Variants in DCD observed in about 807,000 individuals in gnomAD.
DCD encodes the protein diffusible survival/evasion peptide.
In DCD, 17 loss-of-function variants were observed where a neutral mutation model predicts 14.5. The observed-to-expected ratio is 1.18, with a 90% CI of 0.81 to 1.76. The LOEUF (loss-of-function observed/expected upper bound fraction) is 1.76, where lower values mean the gene tolerates loss of function less well. Ranked by LOEUF, DCD falls within the 40% of genes most tolerant of loss-of-function variation. The probability of loss-of-function intolerance (pLI) is 0.00; values close to 1 mark genes in which losing one functional copy is unlikely to be tolerated. For synonymous variants in DCD, 64 were observed against 54.0 expected (o/e 1.19, Z -0.82); for missense variants, 139 against 133.4 (o/e 1.04, Z -0.21).
In DCD at chr12:54,648,304, G is replaced by C; in HGVS notation, c.-1C>G. 6.2e-7 allele frequency: 1 copy of C among 1,613,978 alleles called. No homozygotes were observed. The highest frequency in any genetic ancestry group is 1.1e-5 in the South Asian group (1 of 91,066). On this transcript the variant is annotated 5_prime_UTR_variant, in exon 1 of 5. Transcript: ENST00000293371. ...GGAAGAGGAGAGTCATGAACCTCAT[G>C]CTTCTGTGTGCTGGAGTGGGTATGC...
intron 1 of DCD, among the ~76,000 whole-genome samples, 185 bp downstream of exon 1, chr12:54,648,061 C>A (rs781446067): frequency 9.9e-5 from 15 of 152,158 alleles, no homozygotes; most frequent in Non-Finnish European, 1.9e-4. Context: ...CAGGCTGGGG[C>A]CACAGGGCTC....
chr12:54,644,648 A>C lies in DCD; in HGVS notation c.*65T>G. On this transcript the variant is annotated 3_prime_UTR_variant, in exon 5 of 5. Coordinates refer to ENST00000293371, the MANE Select transcript of DCD (RefSeq NM_053283.4). ...AATTTTTTTTTTTTTTTTTTTTTTT[A>C]GGTTTTAGGCTGAAGACGTAAAGCC... 2 of 336,710 alleles carry C rather than the reference A, an allele frequency of 5.9e-6. No homozygotes were observed. Among genetic ancestry groups the C allele is most frequent in the African/African-American group, 4.4e-5 (1 of 22,858 alleles). 20.9% of individuals were successfully genotyped at this position (336,710 alleles called of 1,614,324 possible).
In DCD at chr12:54,645,620, C is replaced by A. The variant is rs767674139; in HGVS notation, c.185G>T (p.Arg62Ile). The A allele has an allele frequency of 6.2e-7, 1 of 1,614,108 alleles. No homozygotes were observed. The highest frequency in any genetic ancestry group is 1.7e-5 in the Admixed American group (1 of 60,016). ...ARQAPKPRKQRSSLLEKGLDG... is the reference protein window; with the variant it reads ...ARQAPKPRKQISSLLEKGLDG... ...AAGAGGCTTACCCAGAAGGCTGGAT[C>A]TCTGCTTCCTTGGCTTTGGTGCCTG... The change falls in exon 3 of 5, where the codon AGA (arginine) becomes ATA (isoleucine). Residue 62 changes from arginine to isoleucine, a missense_variant. Transcript: ENST00000293371.
chr12:54,646,291 C>T (rs747220899), intron 2 of DCD: 77 of 380,550 alleles, frequency 2.0e-4, no homozygotes, highest in Admixed American at 1.4e-3. Flanking sequence ...GGTTGGGGCT[C>T]GCAGTGCAGT....
rs148716199 is a variant in DCD at position 54,648,164 on chromosome 12, C to T, written c.58+82G>A. 233 of 1,497,928 alleles carry T rather than the reference C, an allele frequency of 1.6e-4. No homozygotes were observed. In the African/African-American group the frequency reaches 2.6e-3, roughly 17 times the overall value. The allele number at this position is 1,497,928 out of a possible 1,614,324, so 92.8% of individuals were successfully genotyped here. On this transcript the variant is annotated intron_variant, in intron 1 of 4. Transcript: ENST00000293371. ...ACAGACTTGGGTGAACTGCCTCTGG[C>T]GAGGAGGGGAAGGGGAAATGAAGGC... is the stretch of plus-strand genomic sequence containing the variant.
chr12:54,645,069 C>A, intron 4 of DCD, 104 bp downstream of exon 4: 1 of 1,494,112 alleles, frequency 6.7e-7, no homozygotes, highest in Non-Finnish European at 9.3e-7. Flanking sequence ...TTTGAAAGCA[C>A]AAAGTGAGGG....
Position 54,645,654 on chromosome 12 carries a change from A to T in DCD, c.151T>A (p.Leu51Ile). Reference protein sequence around the residue: ...QKENAGEDPGLARQAPKPRKQ... With the variant: ...QKENAGEDPGIARQAPKPRKQ... ...CTTGGCTTTGGTGCCTGTCTGGCTA[A>T]CCCTGGGTCTTCACCTGCATTTTCC... The change falls in exon 3 of 5, where the codon TTA (leucine) becomes ATA (isoleucine). Residue 51 changes from leucine (L) to isoleucine (I), a missense_variant. Coordinates refer to ENST00000293371, the MANE Select transcript of DCD (RefSeq NM_053283.4). 6.2e-7 allele frequency: 1 copy of T among 1,614,186 alleles called. No individual in the cohort carries two copies. Among genetic ancestry groups the T allele is most frequent in the Non-Finnish European group, 8.5e-7 (1 of 1,180,012 alleles).
At chr12:54,645,531 G>A in intron 3 of DCD, 75 bp downstream of exon 3, 1 of 1,352,536 alleles carries the variant, frequency 7.4e-7, no homozygotes, top group Admixed American at 1.8e-5. Context: ...GTGCCTGTGA[G>A]GGCAGACTGG....
At chr12:54,646,416 T>C (rs1215528141) in intron 2 of DCD, among the ~76,000 whole-genome samples, 1 of 151,880 alleles carries the variant, frequency 6.6e-6, no homozygotes, top group Non-Finnish European at 1.5e-5. Flanking sequence ...GCTTACAGTC[T>C]AGGAAAAGAG....
At position 54,645,270 on chromosome 12, in the gene DCD, G is replaced by A. The variant is rs745588028; in HGVS notation, c.200-8C>T. ...CTCCGTCTAGGCCTTTTTCTAGGGT[G>A]GATTCAGAAAAGAAGAGGTCATAGA... is the stretch of plus-strand genomic sequence containing the variant. On this transcript the variant is annotated splice_polypyrimidine_tract_variant and splice_region_variant and intron_variant, in intron 3 of 4. Transcript: ENST00000293371. 3 of 1,613,266 alleles carry A rather than the reference G, an allele frequency of 1.9e-6. No individual in the cohort carries two copies. Among genetic ancestry groups the A allele is most frequent in the Non-Finnish European group, 8.5e-7 (1 of 1,179,322 alleles).
chr12:54,648,127 TG>T, intron 1 of DCD, 118 bp downstream of exon 1: 1 of 1,101,354 alleles, frequency 9.1e-7, no homozygotes. Context: ...GAGGCAGGAG[TG>T]GGCTACAGAG....
intron 2 of DCD, 129 bp downstream of exon 2, chr12:54,646,992 T>C (rs1266290942): frequency 1.6e-5 from 13 of 832,048 alleles, no homozygotes; most frequent in Non-Finnish European, 2.4e-5. Flanking sequence ...TCTCCATGTC[T>C]CCTAAAAGTC....
At chr12:54,645,878 A>C (rs76825081) in intron 2 of DCD, 171 bp from the exon 3 acceptor site, 49,096 of 609,524 alleles carry the variant, frequency 0.081, 2,160 homozygotes, top group South Asian at 0.093. Flanking sequence ...AGCATCCCTC[A>C]AGCTTTTTCC....
intron 4 of DCD, 107 bp downstream of exon 4, chr12:54,645,066 G>A: frequency 6.7e-7 from 1 of 1,488,364 alleles, no homozygotes; most frequent in Non-Finnish European, 9.3e-7. Flanking sequence ...ACATTTGAAA[G>A]CACAAAGTGA....
chr12:54,646,748 G>C (rs138979012), intron 2 of DCD, among the ~76,000 whole-genome samples: 1 of 152,094 alleles, frequency 6.6e-6, no homozygotes, highest in Non-Finnish European at 1.5e-5. Context: ...GGAGGTGAGA[G>C]TTTCGTGATG....
In DCD at chr12:54,645,655, C is replaced by T. The variant is rs749172313; in HGVS notation, c.150G>A (p.Gly50=). The change falls in exon 3 of 5, where the codon GGG becomes GGA. Residue 50 remains glycine, a synonymous_variant. Transcript: ENST00000293371. ...AQKENAGEDP[G]LARQAPKPRK... ...TTGGCTTTGGTGCCTGTCTGGCTAA[C>T]CCTGGGTCTTCACCTGCATTTTCCT... The T allele has an allele frequency of 1.2e-6, 2 of 1,614,138 alleles. No homozygotes were observed. Among genetic ancestry groups the T allele is most frequent in the Non-Finnish European group, 1.7e-6 (2 of 1,179,998 alleles).
intron 1 of DCD, among the ~76,000 whole-genome samples, chr12:54,647,991 G>A (rs1221132553): frequency 6.6e-6 from 1 of 152,206 alleles, no homozygotes; most frequent in Non-Finnish European, 1.5e-5. Flanking sequence ...GAAAAAGAAT[G>A]CCAGAGTGGT....
chr12:54,645,602 T>A lies in DCD; in HGVS notation c.199+4A>T. On this transcript the variant is annotated splice_donor_region_variant and intron_variant, in intron 3 of 4. Coordinates refer to ENST00000293371, the MANE Select transcript of DCD (RefSeq NM_053283.4). ...CTATACCAGGCATTGGGAAAGAGGC[T>A]TACCCAGAAGGCTGGATCTCTGCTT... is the stretch of plus-strand genomic sequence containing the variant. 1 of 1,613,484 alleles carries A rather than the reference T, an allele frequency of 6.2e-7. No individual in the cohort carries two copies. The highest frequency in any genetic ancestry group is 8.5e-7 in the Non-Finnish European group (1 of 1,179,440).
chr12:54,645,577 C>A, intron 3 of DCD, 29 bp downstream of exon 3: 2 of 1,592,682 alleles, frequency 1.3e-6, no homozygotes, highest in East Asian at 2.2e-5. Context: ...CATCAGAATT[C>A]TATACCAGGC....
Sources: gnomAD v4.1 joint callset for allele counts (sites outside exome capture counted in the v4.1 genomes callset) on GRCh38, gnomAD v4.1.1 for gene constraint, MANE v1.5 for transcripts, NCBI Gene and HGNC (gene_info 2026-07-23, HGNC 2026-07-21) for gene names.